PCM1: variants seen among roughly 807,000 people sequenced by gnomAD.
PCM1 encodes the protein pericentriolar material 1.
Under a neutral mutation model 241.9 loss-of-function variants are expected in PCM1, and 157 were observed. The ratio of observed to expected loss-of-function variants is 0.65; its 90% CI spans 0.57 to 0.74. PCM1 has a LOEUF of 0.74. PCM1 is among the 30% of genes least tolerant of loss of function. The probability of loss-of-function intolerance (pLI) is 0.00; values close to 1 mark genes in which losing one functional copy is unlikely to be tolerated. For missense variants in PCM1, 3,478 were observed against 2,360.1 expected (o/e 1.47, Z -9.81); for synonymous variants, 1,085 against 784.9 (o/e 1.38, Z -6.39).
intron 8 of PCM1, among the ~76,000 whole-genome samples, chr8:17,952,299 G>T (rs548882468): frequency 6.6e-6 from 1 of 151,876 alleles, no homozygotes; most frequent in African/African-American, 2.4e-5. Context: ...AAATTGATAG[G>T]TTAAGAAGTT....
chr8:18,011,373 T>G lies in PCM1; in HGVS notation c.5350+7T>G, dbSNP rs1314056518. ...GGATGTCCAGTGTCTATTAGTAAGT[T>G]TAAAGGCTCTGTACTATCTTTATAC... On this transcript the variant is annotated splice_region_variant and intron_variant, in intron 33 of 38. Coordinates refer to ENST00000325083, the MANE Select transcript of PCM1 (RefSeq NM_006197.4). 2 of 1,572,552 alleles carry G rather than the reference T, an allele frequency of 1.3e-6. No individual in the cohort carries two copies.
chr8:17,988,486 CAT>C (rs1260902801), intron 26 of PCM1, among the ~76,000 whole-genome samples: 9 of 151,874 alleles, frequency 5.9e-5, no homozygotes, highest in Non-Finnish European at 1.0e-4. Flanking sequence ...ATGACCTTGA[CAT>C]AGGCTAAGTT....
intron 18 of PCM1, among the ~76,000 whole-genome samples, chr8:17,965,311 T>G (rs563536091): frequency 3.9e-5 from 6 of 152,192 alleles, no homozygotes; most frequent in Admixed American, 6.5e-5. Context: ...ATTGATAAAA[T>G]TGTTGACTGT....
At chr8:17,986,368 G>A (rs1410906096) in intron 26 of PCM1, 1 of 192,946 alleles carries the variant, frequency 5.2e-6, no homozygotes, top group East Asian at 1.1e-4. Flanking sequence ...ACTCTTAAAA[G>A]ACATTTACAA....
Position 17,964,655 on chromosome 8 carries a change from G to A in PCM1, c.2742G>A (p.Arg914=). The A allele has an allele frequency of 1.2e-6, 2 of 1,613,896 alleles. No homozygotes were observed. Among genetic ancestry groups the A allele is most frequent in the Non-Finnish European group, 1.7e-6 (2 of 1,179,806 alleles). Residue 914 remains arginine, a synonymous_variant, in exon 18 of 39, where the codon CGG becomes CGA. Coordinates refer to ENST00000325083, the MANE Select transcript of PCM1 (RefSeq NM_006197.4). ...GTTACCTTTCTGAAGGAATTGTTCG[G>A]ACAGATGAAGAGGAGGAAGAAGAGC... ...EDGYLSEGIV[R]TDEEEEEEQD...
rs1378405429 is a variant in PCM1, at chr8:17,935,628, T to G, written c.18T>G (p.Gly6=). 1 of 1,528,700 alleles carries G rather than the reference T, an allele frequency of 6.5e-7. No homozygotes were observed. Among genetic ancestry groups the G allele is most frequent in the Non-Finnish European group, 9.1e-7 (1 of 1,102,896 alleles). 94.7% of individuals were successfully genotyped at this position (1,528,700 alleles called of 1,614,324 possible). Residue 6 remains glycine (G), a synonymous_variant, in exon 3 of 39, where the codon GGT becomes GGG. Coordinates refer to ENST00000325083, the MANE Select transcript of PCM1 (RefSeq NM_006197.4). ...AATCCAGTATGGCCACAGGAGGAGG[T>G]CCCTTTGAAGATGGCATGAATGATC... The part of the protein sequence containing the change: MATGG[G]PFEDGMNDQD...
Position 18,011,778 on chromosome 8 carries a change from C to T in PCM1, c.5462C>T (p.Ser1821Phe), listed in dbSNP as rs1199117739. The T allele has an allele frequency of 1.2e-6, 2 of 1,613,664 alleles. No individual in the cohort carries two copies. The highest frequency in any genetic ancestry group is 1.7e-5 in the Admixed American group (1 of 59,966). Residue 1821 changes from serine (S) to phenylalanine (F), a missense_variant, in exon 34 of 39, where the codon TCC (serine) becomes TTC (phenylalanine). Physicochemically the swap from Ser to Phe is radical, Grantham distance 155 (BLOSUM62 -2). Coordinates refer to ENST00000325083, the MANE Select transcript of PCM1 (RefSeq NM_006197.4). ...GAAGGCCCTGTGGATGTCCAGACTT[C>T]CCTCCAGGCTAACACTGAAGCTACT... ...FEEGPVDVQT[S>F]LQANTEATEE...
intron 6 of PCM1, among the ~76,000 whole-genome samples, chr8:17,942,541 C>T (rs1349044690): frequency 6.6e-6 from 1 of 151,848 alleles, no homozygotes; most frequent in Non-Finnish European, 1.5e-5. Flanking sequence ...TTTGGAAACC[C>T]CTTTCATTTG....
In PCM1 at chr8:17,986,066, G is replaced by A. The variant is rs756589600; in HGVS notation, c.4389G>A (p.Glu1463=). The change falls in exon 26 of 39, where the codon GAG becomes GAA. Residue 1463 remains glutamate, a synonymous_variant. Transcript: ENST00000325083. ...CAAACTCAGAACTTACTCCTAGTGA[G>A]AGCCTTGCTACTACTGATGATGTAA... ...IASNSELTPS[E]SLATTDDETF... The A allele has an allele frequency of 2.5e-6, 4 of 1,592,426 alleles. No homozygotes were observed. In the South Asian group the frequency reaches 3.5e-5, roughly 14 times the overall value.
intron 2 of PCM1, among the ~76,000 whole-genome samples, chr8:17,928,307 C>T (rs1329090840): frequency 6.6e-6 from 1 of 152,130 alleles, no homozygotes; most frequent in African/African-American, 2.4e-5. Context: ...TAGTGCTGCC[C>T]ACGGTCATTC....
chr8:17,997,815 A>G (rs1016474809), intron 29 of PCM1, among the ~76,000 whole-genome samples: 2 of 151,484 alleles, frequency 1.3e-5, no homozygotes, highest in Admixed American at 6.6e-5. Context: ...ACTTGAGGTC[A>G]GGAGTTTGAG....
At chr8:18,009,426 C>T in intron 30 of PCM1, 121 bp from the exon 31 acceptor site, 1 of 660,210 alleles carries the variant, frequency 1.5e-6, no homozygotes, top group Middle Eastern at 4.1e-4. Flanking sequence ...GTAATACTAA[C>T]AACCTATCTT....
intron 29 of PCM1, among the ~76,000 whole-genome samples, chr8:18,002,617 A>AT (rs2090005816): frequency 1.7e-5 from 1 of 59,276 alleles, no homozygotes; most frequent in Admixed American, 1.6e-4. Context: ...GTCAAATGGT[A>AT]TTTCTAGTTC....
Position 17,950,777 on chromosome 8 carries a change from C to A in PCM1, c.1071+53C>A, listed in dbSNP as rs900003068. 4.2e-5 allele frequency: 41 copies of A among 975,604 alleles called. 2 individuals are homozygous for A. In the Admixed American group the frequency reaches 8.0e-4, roughly 19 times the overall value. The allele number at this position is 975,604 out of a possible 1,614,324, so 60.4% of individuals were successfully genotyped here. On this transcript the variant is annotated intron_variant, in intron 8 of 38. Transcript: ENST00000325083. The stretch of plus-strand genomic sequence containing the variant: ...GTTTAAAAAATCACATTAATTAGAA[C>A]AGTGATTCAGAAACTTCAGTGAGCA...
intron 13 of PCM1, among the ~76,000 whole-genome samples, chr8:17,958,588 A>AT (rs756014833): frequency 0.015 from 2,242 of 152,080 alleles, 35 homozygotes; most frequent in South Asian, 0.027. Flanking sequence ...TATATATATA[A>AT]AAATCATATA....
At chr8:18,021,507 A>G (rs1435813262) in intron 36 of PCM1, among the ~76,000 whole-genome samples, 1 of 152,212 alleles carries the variant, frequency 6.6e-6, no homozygotes, top group African/African-American at 2.4e-5. Context: ...AGAAAGGCTG[A>G]TGCCACAACA....
At chr8:17,944,986 A>AT (rs1195996409) in intron 6 of PCM1, among the ~76,000 whole-genome samples, 1 of 151,938 alleles carries the variant, frequency 6.6e-6, no homozygotes, top group Non-Finnish European at 1.5e-5. Flanking sequence ...TCATTTGCAT[A>AT]TTTTTTTCTC....
Position 17,947,290 on chromosome 8 carries a change from A to G in PCM1, c.888A>G (p.Leu296=). Reference sequence around the variant, plus strand: ...AACAGCAGGAGCAACTAAGAGCTCTACAGGGACGGCAGGCTGCACTTCTAG... The same window carrying G: ...AACAGCAGGAGCAACTAAGAGCTCTGCAGGGACGGCAGGCTGCACTTCTAG... ...MLQQQEQLRA[L]QGRQAALLAL... Residue 296 remains leucine (L), a synonymous_variant, in exon 7 of 39, where the codon CTA becomes CTG. Transcript: ENST00000325083. The G allele has an allele frequency of 6.2e-7, 1 of 1,613,012 alleles. No homozygotes were observed. The highest frequency in any genetic ancestry group is 2.2e-5 in the East Asian group (1 of 44,854).
chr8:17,968,498 A>G (rs1263257989), intron 21 of PCM1, among the ~76,000 whole-genome samples: 1 of 152,162 alleles, frequency 6.6e-6, no homozygotes, highest in African/African-American at 2.4e-5. Flanking sequence ...AAGAAAAAGG[A>G]GTAACTGAAA....
Sources: allele counts gnomAD v4.1 joint callset (sites outside exome capture counted in the v4.1 genomes callset), GRCh38; gene constraint gnomAD v4.1.1; transcripts MANE v1.5; gene names NCBI Gene and HGNC (gene_info 2026-07-23, HGNC 2026-07-21).